NEGR1: variants seen among roughly 807,000 people sequenced by gnomAD.
The protein encoded by NEGR1 is neuronal growth regulator 1, also known as IgLON family member 4.
A neutral mutation model predicts 40.9 loss-of-function variants in NEGR1; 10 were observed. The observed-to-expected ratio is 0.24, with a 90% CI of 0.15 to 0.42. The LOEUF (loss-of-function observed/expected upper bound fraction) is 0.42. NEGR1 is among the 10% of genes least tolerant of loss of function. The probability of loss-of-function intolerance (pLI) is 1.00; values close to 1 mark genes in which losing one functional copy is unlikely to be tolerated. For missense variants in NEGR1, 352 were observed against 438.9 expected (o/e 0.80, Z 1.77); for synonymous variants, 185 against 166.8 (o/e 1.11, Z -0.84).
chr1:71,964,842 C>T (rs61765346), intron 1 of NEGR1, among the ~76,000 whole-genome samples: 18,298 of 151,642 alleles, frequency 0.12, 1,180 homozygotes, highest in Middle Eastern at 0.21. Context: ...AAAATCACTC[C>T]CTAAAGTGTG....
At chr1:72,015,714 T>C (rs149856347) in intron 1 of NEGR1, among the ~76,000 whole-genome samples, 1 of 152,228 alleles carries the variant, frequency 6.6e-6, no homozygotes, top group African/African-American at 2.4e-5. Context: ...TTAGGTATTT[T>C]GCTAGTTGTT....
chr1:71,623,358 A>T (rs1650668676), intron 4 of NEGR1, among the ~76,000 whole-genome samples: 1 of 151,886 alleles, frequency 6.6e-6, no homozygotes, highest in Admixed American at 6.6e-5. Context: ...ATTTATTTTG[A>T]CATGGCAATT....
At chr1:71,634,188 G>A (rs1036686418) in intron 4 of NEGR1, among the ~76,000 whole-genome samples, 3 of 152,048 alleles carry the variant, frequency 2.0e-5, no homozygotes, top group African/African-American at 4.8e-5. Flanking sequence ...TTTTGGGAGA[G>A]TGACCATTAT....
At chr1:71,617,556 T>C (rs1650485627) in intron 4 of NEGR1, among the ~76,000 whole-genome samples, 1 of 152,222 alleles carries the variant, frequency 6.6e-6, no homozygotes, top group East Asian at 1.9e-4. Flanking sequence ...GGTATATGCA[T>C]GGACGGAGTT....
At chr1:71,477,911 A>C (rs1318922905) in intron 6 of NEGR1, among the ~76,000 whole-genome samples, 3 of 152,026 alleles carry the variant, frequency 2.0e-5, no homozygotes, top group Admixed American at 6.6e-5. Flanking sequence ...AAAAAAATAC[A>C]TAAAGCTTAA....
intron 1 of NEGR1, among the ~76,000 whole-genome samples, chr1:72,159,604 T>C (rs1651482040): frequency 6.6e-6 from 1 of 152,176 alleles, no homozygotes; most frequent in African/African-American, 2.4e-5. Context: ...TTGGTTTCCA[T>C]GAACTTAAAG....
intron 2 of NEGR1, among the ~76,000 whole-genome samples, chr1:71,824,363 A>G (rs1165106982): frequency 1.3e-5 from 2 of 151,902 alleles, no homozygotes; most frequent in African/African-American, 2.4e-5. Flanking sequence ...ATCATAAAAA[A>G]AAAAACTGGA....
At chr1:72,213,555 A>G (rs146411819) in intron 1 of NEGR1, among the ~76,000 whole-genome samples, 137 of 152,126 alleles carry the variant, frequency 9.0e-4, no homozygotes, top group African/African-American at 2.7e-3. Flanking sequence ...TCTACCAGAA[A>G]GTGTCAGCTA....
chr1:71,929,215 A>T (rs1645831262), intron 2 of NEGR1, among the ~76,000 whole-genome samples: 1 of 152,136 alleles, frequency 6.6e-6, no homozygotes, highest in South Asian at 2.1e-4. Flanking sequence ...CCTAGTTTTT[A>T]CTGGTAGTAG....
At chr1:72,156,542 G>T (rs1269509608) in intron 1 of NEGR1, among the ~76,000 whole-genome samples, 1 of 152,160 alleles carries the variant, frequency 6.6e-6, no homozygotes, top group Non-Finnish European at 1.5e-5. Context: ...ATCTATGGCA[G>T]ATGCTATGCA....
intron 2 of NEGR1, among the ~76,000 whole-genome samples, chr1:71,886,980 A>T (rs528688453): frequency 1.3e-5 from 2 of 152,238 alleles, no homozygotes; most frequent in Admixed American, 6.5e-5. Flanking sequence ...TTCATTTATA[A>T]CTTCTGACTC....
At chr1:71,558,787 C>T (rs1240284739) in intron 6 of NEGR1, among the ~76,000 whole-genome samples, 1 of 146,206 alleles carries the variant, frequency 6.8e-6, no homozygotes, top group African/African-American at 2.5e-5. Context: ...AGGCTCATCT[C>T]GAAGTTTCCC....
chr1:71,797,376 A>G (rs1342397547), intron 2 of NEGR1, among the ~76,000 whole-genome samples: 1 of 152,156 alleles, frequency 6.6e-6, no homozygotes, highest in African/African-American at 2.4e-5. Flanking sequence ...CTATTGAGTC[A>G]TGGTAAGAAG....
intron 4 of NEGR1, among the ~76,000 whole-genome samples, chr1:71,663,004 T>C (rs1652117882): frequency 6.6e-6 from 1 of 152,160 alleles, no homozygotes; most frequent in African/African-American, 2.4e-5. Flanking sequence ...TCTCTCAGGC[T>C]GGAGTGCAGT....
chr1:72,070,664 A>C (rs916325623), intron 1 of NEGR1, among the ~76,000 whole-genome samples: 5 of 152,000 alleles, frequency 3.3e-5, no homozygotes, highest in African/African-American at 1.2e-4. Flanking sequence ...CATGTATGTG[A>C]ACATTAGTAT....
At chr1:71,805,980 G>A (rs1254660876) in intron 2 of NEGR1, among the ~76,000 whole-genome samples, 1 of 152,076 alleles carries the variant, frequency 6.6e-6, no homozygotes, top group African/African-American at 2.4e-5. Flanking sequence ...TTCAGTGTGT[G>A]CAAAACATCT....
intron 2 of NEGR1, among the ~76,000 whole-genome samples, chr1:71,852,107 A>C (rs546561224): frequency 6.6e-6 from 1 of 152,188 alleles, no homozygotes; most frequent in South Asian, 2.1e-4. Context: ...CTTTTAAGTG[A>C]TTCTTACTTC....
chr1:71,794,638 T>G (rs1657253932), intron 2 of NEGR1: 2 of 152,066 alleles, frequency 1.3e-5, no homozygotes, highest in South Asian at 4.1e-4. Flanking sequence ...ATCAAAATTT[T>G]AAAATATTTT....
At chr1:72,111,757 T>A (rs559078386) in intron 1 of NEGR1, among the ~76,000 whole-genome samples, 1 of 151,846 alleles carries the variant, frequency 6.6e-6, no homozygotes, top group Non-Finnish European at 1.5e-5. Flanking sequence ...TTGATATGAG[T>A]AAGAGATTTA....
Sources: gnomAD v4.1 joint callset for allele counts (sites outside exome capture counted in the v4.1 genomes callset) on GRCh38, gnomAD v4.1.1 for gene constraint, MANE v1.5 for transcripts, NCBI Gene and HGNC (gene_info 2026-07-23, HGNC 2026-07-21) for gene names.